Variants in ANKRD13C observed in about 807,000 individuals in gnomAD.
ANKRD13C encodes ankyrin repeat domain-containing protein 13C.
Under a neutral mutation model 65.5 loss-of-function variants are expected in ANKRD13C, and 16 were observed. The ratio of observed to expected loss-of-function variants is 0.24; its 90% CI spans 0.17 to 0.37. The LOEUF is 0.37. Among genes scored for constraint, ANKRD13C ranks in the 10% least tolerant of loss-of-function variants. ANKRD13C has a pLI of 1.00. For synonymous variants in ANKRD13C, 235 were observed against 238.7 expected (o/e 0.98, Z 0.14); for missense variants, 503 against 655.9 (o/e 0.77, Z 2.55).
intron 12 of ANKRD13C, among the ~76,000 whole-genome samples, chr1:70,268,444 C>G (rs890013380): frequency 3.3e-5 from 5 of 152,108 alleles, no homozygotes; most frequent in African/African-American, 1.2e-4. Flanking sequence ...TTACAGGCGT[C>G]AGCCACTGTG....
At chr1:70,265,485 T>G (rs1678576349) in intron 12 of ANKRD13C, among the ~76,000 whole-genome samples, 2 of 152,098 alleles carry the variant, frequency 1.3e-5, no homozygotes, top group Non-Finnish European at 2.9e-5. Flanking sequence ...GAAGTGAATA[T>G]GCTTTTTATT....
Position 70,261,634 on chromosome 1 carries a change from G to A in ANKRD13C, c.*1083C>T, listed in dbSNP as rs1039080147. On this transcript the variant is annotated 3_prime_UTR_variant, in exon 13 of 13. Transcript: ENST00000370944. ...CTGTGATTTAAAAAAAATAATAGGAGTAATCAATCTTGTGTATACTTCTGG... is the reference window on the plus strand; with the variant it reads ...CTGTGATTTAAAAAAAATAATAGGAATAATCAATCTTGTGTATACTTCTGG... 2 of 152,418 alleles carry A rather than the reference G, an allele frequency of 1.3e-5. No individual in the cohort carries two copies. The highest frequency in any genetic ancestry group is 4.8e-5 in the African/African-American group (2 of 41,416). The allele number at this position is 152,418 out of a possible 1,614,324, so 9.4% of individuals were successfully genotyped here.
At chr1:70,336,870 T>C (rs562183809) in intron 1 of ANKRD13C, among the ~76,000 whole-genome samples, 1 of 152,174 alleles carries the variant, frequency 6.6e-6, no homozygotes, top group Non-Finnish European at 1.5e-5. Context: ...CTACATCCTA[T>C]AGTTGATGTT....
chr1:70,348,820 G>A (rs1053714193), intron 1 of ANKRD13C, among the ~76,000 whole-genome samples: 2 of 152,138 alleles, frequency 1.3e-5, no homozygotes, highest in Non-Finnish European at 2.9e-5. Flanking sequence ...AAGGAAAAAT[G>A]AAAATTAACC....
intron 9 of ANKRD13C, among the ~76,000 whole-genome samples, chr1:70,285,187 C>CTTTTTTTT (rs60703728): frequency 6.7e-5 from 7 of 105,232 alleles, no homozygotes; most frequent in Non-Finnish European, 9.0e-5. Context: ...TTTATAATGT[C>CTTTTTTTT]TTTTTTTTTT....
At position 70,327,862 on chromosome 1, in the gene ANKRD13C, TGAGACCAACGTGGCCAACATG is replaced by T. The variant is rs1681608914; in HGVS notation, c.473-2926_473-2906del. Reference sequence around the variant, plus strand: ...GGCGGATCATCTGAGGTCAGGAGTTTGAGACCAACGTGGCCAACATGGTGAAACCTGTCTCTACTAAAATAC... The same window carrying T: ...GGCGGATCATCTGAGGTCAGGAGTTTGTGAAACCTGTCTCTACTAAAATAC... On this transcript the variant is annotated intron_variant, in intron 2 of 12. Transcript: ENST00000370944. Among the ~76,000 whole-genome samples, 7 of 151,952 alleles carry T rather than the reference TGAGACCAACGTGGCCAACATG, an allele frequency of 4.6e-5. No individual in the cohort carries two copies. The South Asian group carries it at 1.5e-3, about 32-fold the overall frequency.
At chr1:70,328,765 T>C (rs1356147371) in intron 2 of ANKRD13C, among the ~76,000 whole-genome samples, 1 of 152,132 alleles carries the variant, frequency 6.6e-6, no homozygotes, top group Non-Finnish European at 1.5e-5. Flanking sequence ...GAAATGTATG[T>C]AAGAATATCC....
intron 9 of ANKRD13C, among the ~76,000 whole-genome samples, chr1:70,278,979 T>G (rs1431883538): frequency 6.6e-6 from 1 of 151,754 alleles, no homozygotes; most frequent in East Asian, 1.9e-4. Flanking sequence ...GGCAGGTTGA[T>G]CCCTTGAGCT....
chr1:70,302,497 C>A (rs1316139441), intron 6 of ANKRD13C, among the ~76,000 whole-genome samples: 1 of 110,692 alleles, frequency 9.0e-6, no homozygotes, highest in Non-Finnish European at 1.8e-5. Flanking sequence ...GAGGCCAAGG[C>A]GGGCGGATCA....
chr1:70,315,570 A>C lies in ANKRD13C; in HGVS notation c.578-4T>G. The stretch of plus-strand genomic sequence containing the variant: ...AGCTTCCTCAAAAGAGCTGTAACTA[A>C]AGTTTAAATTTTAAAAATAACTAAT... On this transcript the variant is annotated splice_polypyrimidine_tract_variant and splice_region_variant and intron_variant, in intron 3 of 12. Coordinates refer to ENST00000370944, the MANE Select transcript of ANKRD13C (RefSeq NM_030816.5). 1 of 1,596,500 alleles carries C rather than the reference A, an allele frequency of 6.3e-7. No individual in the cohort carries two copies. The highest frequency in any genetic ancestry group is 8.5e-7 in the Non-Finnish European group (1 of 1,173,984).
At chr1:70,342,612 C>A (rs892571455) in intron 1 of ANKRD13C, among the ~76,000 whole-genome samples, 5 of 151,400 alleles carry the variant, frequency 3.3e-5, no homozygotes, top group Admixed American at 1.3e-4. Context: ...CTTTTTGTAT[C>A]AATAGTGGAA....
At chr1:70,343,080 T>C (rs1682383488) in intron 1 of ANKRD13C, among the ~76,000 whole-genome samples, 1 of 152,168 alleles carries the variant, frequency 6.6e-6, no homozygotes, top group Non-Finnish European at 1.5e-5. Flanking sequence ...AACCTTCCAT[T>C]ACAAGTCCAA....
chr1:70,278,378 A>G (rs58409087), intron 9 of ANKRD13C, among the ~76,000 whole-genome samples: 2,092 of 151,870 alleles, frequency 0.014, 53 homozygotes, highest in African/African-American at 0.047. Flanking sequence ...CTGTAATCCT[A>G]GCCACTCAGG....
In ANKRD13C at chr1:70,292,619, C is replaced by T. The variant is rs188994141; in HGVS notation, c.1054-70G>A. 21 of 1,148,936 alleles carry T rather than the reference C, an allele frequency of 1.8e-5. 1 individual carries two copies. In the South Asian group the frequency reaches 3.2e-4, roughly 17 times the overall value. 71.2% of individuals were successfully genotyped at this position (1,148,936 alleles called of 1,614,324 possible). On this transcript the variant is annotated intron_variant, in intron 8 of 12. Transcript: ENST00000370944. Reference sequence around the variant, plus strand: ...AAAAGTGTCAAGGTAATATATTTTTCCATAAATATGTAACATGTAGGTGAA... The same window carrying T: ...AAAAGTGTCAAGGTAATATATTTTTTCATAAATATGTAACATGTAGGTGAA...
At position 70,262,523 on chromosome 1, in the gene ANKRD13C, C is replaced by A; in HGVS notation, c.*194G>T. 2.3e-6 allele frequency: 1 copy of A among 437,276 alleles called. No individual in the cohort carries two copies. The highest frequency in any genetic ancestry group is 3.9e-6 in the Non-Finnish European group (1 of 258,558). 27.1% of individuals were successfully genotyped at this position (437,276 alleles called of 1,614,324 possible). A position where few individuals can be genotyped will look rare whatever the true frequency, so the allele number is the denominator to read the frequency against. The stretch of plus-strand genomic sequence containing the variant: ...TATAATATGTATATTTTTAAAAAGA[C>A]AAAAAATGGCACATCAGAAAACTCG... On this transcript the variant is annotated 3_prime_UTR_variant, in exon 13 of 13. Coordinates refer to ENST00000370944, the MANE Select transcript of ANKRD13C (RefSeq NM_030816.5).
At chr1:70,277,582 TATAGAAA>T (rs1679197644) in intron 9 of ANKRD13C, among the ~76,000 whole-genome samples, 1 of 151,694 alleles carries the variant, frequency 6.6e-6, no homozygotes, top group Non-Finnish European at 1.5e-5. Context: ...CAAATGAGAT[TATAGAAA>T]ATAGAAAATA....
chr1:70,339,714 C>T (rs555817419), intron 1 of ANKRD13C, among the ~76,000 whole-genome samples: 139 of 151,818 alleles, frequency 9.2e-4, no homozygotes, highest in South Asian at 6.0e-3. Context: ...TCAAAATATC[C>T]GCTAATGATA....
intron 3 of ANKRD13C, among the ~76,000 whole-genome samples, chr1:70,317,275 G>C (rs1018634698): frequency 2.0e-5 from 3 of 152,144 alleles, no homozygotes; most frequent in Admixed American, 2.0e-4. Context: ...CCTAGTTTCA[G>C]TTCTACCATT....
intron 7 of ANKRD13C, among the ~76,000 whole-genome samples, chr1:70,298,767 TA>T (rs986181426): frequency 3.3e-5 from 5 of 152,242 alleles, no homozygotes; most frequent in Admixed American, 6.5e-5. Context: ...TGCCTGTTTT[TA>T]TGAATAAAAT....
Sources: gnomAD v4.1 joint callset for allele counts (sites outside exome capture counted in the v4.1 genomes callset) on GRCh38, gnomAD v4.1.1 for gene constraint, MANE v1.5 for transcripts, NCBI Gene and HGNC (gene_info 2026-07-23, HGNC 2026-07-21) for gene names.